The following EYA1 variants were observed in gnomAD, a reference collection of about 807,000 sequenced individuals.
EYA1 encodes the protein protein phosphatase EYA1.
In EYA1, 16 loss-of-function variants were observed where a neutral mutation model predicts 82.0. That is an observed-to-expected ratio of 0.20 (90% CI 0.13 to 0.30). EYA1 has a LOEUF of 0.30. Among genes scored for constraint, EYA1 ranks in the 10% least tolerant of loss-of-function variants. EYA1 has a pLI of 1.00. For synonymous variants in EYA1, 261 were observed against 264.4 expected (o/e 0.99, Z 0.12); for missense variants, 633 against 730.7 (o/e 0.87, Z 1.54).
intron 7 of EYA1, among the ~76,000 whole-genome samples, chr8:71,301,130 A>G (rs984375812): frequency 3.9e-5 from 6 of 152,214 alleles, no homozygotes; most frequent in African/African-American, 1.2e-4. Context: ...TGAACTCACT[A>G]TTCAGATGGC....
At chr8:71,289,687 C>T (rs1216019025) in intron 9 of EYA1, among the ~76,000 whole-genome samples, 7 of 152,142 alleles carry the variant, frequency 4.6e-5, no homozygotes. Flanking sequence ...AGGACAATGA[C>T]AATACAACTC....
intron 12 of EYA1, among the ~76,000 whole-genome samples, chr8:71,241,813 A>ATT (rs59559300): frequency 0.014 from 2,127 of 146,910 alleles, 40 homozygotes; most frequent in African/African-American, 0.047. Context: ...GCCAATAGAC[A>ATT]TTTTTTTTTT....
chr8:71,265,268 G>A (rs1815655680), intron 11 of EYA1, among the ~76,000 whole-genome samples: 1 of 151,580 alleles, frequency 6.6e-6, no homozygotes, highest in South Asian at 2.1e-4. Flanking sequence ...TATTACATTG[G>A]GTCTCTAACC....
At chr8:71,393,174 A>G (rs1829375832) in intron 2 of EYA1, among the ~76,000 whole-genome samples, 5 of 152,208 alleles carry the variant, frequency 3.3e-5, no homozygotes. Flanking sequence ...ATATGCACTA[A>G]GCACTTTGTT....
At chr8:71,391,250 T>C (rs531966215) in intron 2 of EYA1, among the ~76,000 whole-genome samples, 90 of 152,346 alleles carry the variant, frequency 5.9e-4, no homozygotes, top group African/African-American at 2.1e-3. Context: ...CCCAAAGTGC[T>C]GGGATTACAG....
At chr8:71,427,706 T>C (rs1178756042) in intron 2 of EYA1, among the ~76,000 whole-genome samples, 2 of 152,150 alleles carry the variant, frequency 1.3e-5, no homozygotes, top group Non-Finnish European at 2.9e-5. Flanking sequence ...GGAAGGCTAG[T>C]GCATCTCAAA....
At chr8:71,360,010 T>G (rs1386888457) in intron 1 of EYA1, among the ~76,000 whole-genome samples, 4 of 152,172 alleles carry the variant, frequency 2.6e-5, no homozygotes, top group Admixed American at 2.0e-4. Flanking sequence ...AAACTTAAAT[T>G]TTAAAAATAA....
chr8:71,447,500 A>C (rs1806986849), intron 2 of EYA1, among the ~76,000 whole-genome samples: 2 of 152,188 alleles, frequency 1.3e-5, no homozygotes, highest in African/African-American at 4.8e-5. Flanking sequence ...TAAACTTTTC[A>C]GATTGATGTT....
intron 10 of EYA1, 95 bp from the exon 11 acceptor site, chr8:71,269,918 A>T: frequency 1.1e-6 from 1 of 890,994 alleles, no homozygotes; most frequent in Non-Finnish European, 1.9e-6. Flanking sequence ...TTGAAACGGA[A>T]GATGAATGAA....
At chr8:71,234,430 T>C (rs943094951) in intron 12 of EYA1, among the ~76,000 whole-genome samples, 3 of 152,144 alleles carry the variant, frequency 2.0e-5, no homozygotes, top group African/African-American at 7.2e-5. Context: ...TTCCACTTCA[T>C]TGACATGGTG....
upstream of EYA1, chr8:71,362,103 C>T (rs1827446743): frequency 1.0e-6 from 1 of 984,308 alleles, no homozygotes; most frequent in East Asian, 1.1e-4. Flanking sequence ...AATCTCATCC[C>T]TCGATTTGTT....
At chr8:71,452,561 T>A (rs1807481522) in intron 2 of EYA1, among the ~76,000 whole-genome samples, 1 of 152,150 alleles carries the variant, frequency 6.6e-6, no homozygotes, top group Non-Finnish European at 1.5e-5. Context: ...GGTACCCCTC[T>A]GAGATGAAGC....
chr8:71,454,616 C>G (rs956290036), intron 2 of EYA1, among the ~76,000 whole-genome samples: 2 of 152,172 alleles, frequency 1.3e-5, no homozygotes, highest in Non-Finnish European at 2.9e-5. Flanking sequence ...TTAAGAAACT[C>G]ACTAAAAACC....
At chr8:71,347,977 G>A (rs967238631) in intron 3 of EYA1, among the ~76,000 whole-genome samples, 2 of 151,490 alleles carry the variant, frequency 1.3e-5, no homozygotes, top group Non-Finnish European at 2.9e-5. Flanking sequence ...TAAATTGTGG[G>A]TCCTAAACGT....
At chr8:71,349,322 T>C (rs543435728) in intron 3 of EYA1, among the ~76,000 whole-genome samples, 70 of 152,312 alleles carry the variant, frequency 4.6e-4, no homozygotes, top group African/African-American at 1.6e-3. Context: ...ATGGCATCAT[T>C]CAGCCATGAA....
chr8:71,277,458 TC>T (rs1817336714), intron 9 of EYA1, among the ~76,000 whole-genome samples: 1 of 152,148 alleles, frequency 6.6e-6, no homozygotes, highest in Non-Finnish European at 1.5e-5. Context: ...GGCCCTTGTC[TC>T]CTTTTCTCAA....
At chr8:71,302,832 TA>T (rs1471125864) in intron 7 of EYA1, among the ~76,000 whole-genome samples, 2 of 141,880 alleles carry the variant, frequency 1.4e-5, no homozygotes, top group African/African-American at 5.0e-5. Context: ...GCAAAGTCAG[TA>T]GACTCTCTAA....
At chr8:71,522,227 T>TCCTTATAG (rs1325988009) in intron 2 of EYA1, among the ~76,000 whole-genome samples, 3 of 152,324 alleles carry the variant, frequency 2.0e-5, no homozygotes, top group African/African-American at 7.2e-5. Flanking sequence ...ACCACCTTGA[T>TCCTTATAG]CCTTATAGCC....
intron 9 of EYA1, among the ~76,000 whole-genome samples, chr8:71,282,093 G>A (rs1422536277): frequency 6.6e-6 from 1 of 152,052 alleles, no homozygotes; most frequent in Non-Finnish European, 1.5e-5. Context: ...TACTCTCCTT[G>A]CCAGGCTCTC....
Sources: gnomAD v4.1 joint callset for allele counts (sites outside exome capture counted in the v4.1 genomes callset) on GRCh38, gnomAD v4.1.1 for gene constraint, MANE v1.5 for transcripts, NCBI Gene and HGNC (gene_info 2026-07-23, HGNC 2026-07-21) for gene names.